The following IL1RAPL1 variants were observed in gnomAD, a reference collection of about 807,000 sequenced individuals.
IL1RAPL1 encodes interleukin-1 receptor accessory protein-like 1.
A neutral mutation model predicts 48.4 loss-of-function variants in IL1RAPL1; 3 were observed. The ratio of observed to expected loss-of-function variants is 0.06; its 90% CI spans 0.03 to 0.16. IL1RAPL1 has a LOEUF of 0.16. Ranked by LOEUF, IL1RAPL1 falls within the 10% of genes least tolerant of loss-of-function variation. The pLI is 1.00. For missense variants in IL1RAPL1, 349 were observed against 530.6 expected (o/e 0.66, Z 3.36); for synonymous variants, 185 against 187.7 (o/e 0.99, Z 0.12).
At chrX:28,779,634 G>GTGTATA (rs1374982138) in intron 1 of IL1RAPL1, among the ~76,000 whole-genome samples, 1 of 38,320 alleles carries the variant, frequency 2.6e-5, no homozygotes, top group Non-Finnish European at 4.5e-5. Context: ...GTGTGTGTGT[G>GTGTATA]TATATATATA....
intron 2 of IL1RAPL1, among the ~76,000 whole-genome samples, chrX:28,975,501 A>G (rs1925183299): frequency 8.9e-6 from 1 of 112,283 alleles, no homozygotes; most frequent in African/African-American, 3.2e-5. Flanking sequence ...AAACTAGGAT[A>G]CATGTTTCTT....
chrX:29,803,595 G>A (rs186852353), intron 6 of IL1RAPL1, among the ~76,000 whole-genome samples: 286 of 101,570 alleles, frequency 2.8e-3, no homozygotes, highest in Non-Finnish European at 4.6e-3. Context: ...CCATATATGT[G>A]TGTGTATATA....
At position 29,122,000 on chromosome X, in the gene IL1RAPL1, C is replaced by T. The variant is rs548018830; in HGVS notation, c.83-160938C>T. 3.7e-4 allele frequency among the ~76,000 whole-genome samples: 41 copies of T among 111,464 alleles called. 1 individual carries two copies. In the South Asian group the frequency reaches 0.015, roughly 40 times the overall value. ...TAGAAACATAGATGGAGGGGTTGGT[C>T]ACCACTCATTATTTAATGTAAGTAA... On this transcript the variant is annotated intron_variant, in intron 2 of 10. Transcript: ENST00000378993.
chrX:29,153,325 C>T (rs1366836010), intron 2 of IL1RAPL1, among the ~76,000 whole-genome samples: 5 of 111,598 alleles, frequency 4.5e-5, no homozygotes, highest in East Asian at 2.8e-4. Flanking sequence ...TCCCCTTTGC[C>T]TTATAAGGTA....
At chrX:29,081,782 TTAGAAGTTTC>T (rs1343386965) in intron 2 of IL1RAPL1, among the ~76,000 whole-genome samples, 1 of 110,311 alleles carries the variant, frequency 9.1e-6, no homozygotes, top group African/African-American at 3.3e-5. Context: ...AGCTCAGGTT[TTAGAAGTTTC>T]ATCTGCCTGG....
intron 6 of IL1RAPL1, among the ~76,000 whole-genome samples, chrX:29,703,127 A>G (rs1927098487): frequency 9.0e-6 from 1 of 111,544 alleles, no homozygotes; most frequent in Non-Finnish European, 1.9e-5. Context: ...AATTGTAATT[A>G]TAAGTAATAA....
At chrX:28,914,009 A>G (rs964152726) in intron 2 of IL1RAPL1, among the ~76,000 whole-genome samples, 2 of 111,793 alleles carry the variant, frequency 1.8e-5, no homozygotes, top group Non-Finnish European at 3.8e-5. Context: ...TGGAAATACT[A>G]CCTTGTGTTT....
chrX:28,692,083 C>T (rs939964712), intron 1 of IL1RAPL1, among the ~76,000 whole-genome samples: 4 of 110,412 alleles, frequency 3.6e-5, no homozygotes, highest in African/African-American at 1.3e-4. Context: ...GGGGAAGGAG[C>T]GAGGCTCTTT....
At chrX:29,662,172 A>G (rs948337209) in intron 5 of IL1RAPL1, among the ~76,000 whole-genome samples, 3 of 111,511 alleles carry the variant, frequency 2.7e-5, no homozygotes, top group African/African-American at 9.8e-5. Flanking sequence ...CTTTTTTTAC[A>G]TCATTATAGA....
At chrX:29,077,994 GC>G (rs1426410855) in intron 2 of IL1RAPL1, among the ~76,000 whole-genome samples, 1 of 111,687 alleles carries the variant, frequency 9.0e-6, no homozygotes, top group Non-Finnish European at 1.9e-5. Flanking sequence ...AGAACAACAG[GC>G]GGCCCAGCAC....
chrX:29,556,820 T>C (rs926917319), intron 5 of IL1RAPL1, among the ~76,000 whole-genome samples: 1 of 111,948 alleles, frequency 8.9e-6, no homozygotes, highest in African/African-American at 3.2e-5. Flanking sequence ...AGATATATTC[T>C]CAGAATTCTT....
At chrX:29,655,651 C>CAAAAAAA (rs746998144) in intron 5 of IL1RAPL1, among the ~76,000 whole-genome samples, 2 of 26,753 alleles carry the variant, frequency 7.5e-5, no homozygotes, top group Non-Finnish European at 1.3e-4. Context: ...TGACAGTCTC[C>CAAAAAAA]AAAAAAAAAA....
rs1335823111 is a variant in IL1RAPL1, at chrX:29,802,879, A to ATATG, written c.779-114584_779-114583insATGT. ...TATACGTGTACATATGTATACATATATGTATATATGTATACATATATATGT... is the reference window on the plus strand; with the variant it reads ...TATACGTGTACATATGTATACATATATATGTGTATATATGTATACATATATATGT... On this transcript the variant is annotated intron_variant, in intron 6 of 10. Transcript: ENST00000378993. 7.8e-4 allele frequency among the ~76,000 whole-genome samples: 65 copies of ATATG among 83,473 alleles called. 4 individuals carry two copies. Among genetic ancestry groups the ATATG allele is most frequent in the African/African-American group, 3.1e-3 (61 of 19,968 alleles). The allele number at this position is 83,473 out of a possible 115,157, so 72.5% of individuals were successfully genotyped here. A position where few individuals can be genotyped will look rare whatever the true frequency, so the allele number is the denominator to read the frequency against.
At chrX:29,453,060 G>T (rs1303692477) in intron 5 of IL1RAPL1, among the ~76,000 whole-genome samples, 2 of 107,550 alleles carry the variant, frequency 1.9e-5, no homozygotes, top group Non-Finnish European at 3.8e-5. Context: ...AAGTAGCTGG[G>T]ATTACAGGCG....
chrX:29,490,834 A>ATGTGTGTGTG (rs199987230), intron 5 of IL1RAPL1, among the ~76,000 whole-genome samples: 15 of 95,978 alleles, frequency 1.6e-4, no homozygotes, highest in African/African-American at 6.5e-4. Flanking sequence ...CATCTGAGGT[A>ATGTGTGTGTG]TGTGTGTGTG....
At chrX:29,488,211 G>A (rs1307155395) in intron 5 of IL1RAPL1, among the ~76,000 whole-genome samples, 5 of 111,844 alleles carry the variant, frequency 4.5e-5, no homozygotes, top group South Asian at 3.7e-4. Context: ...AGGCTGAGGC[G>A]GGCGGATCAT....
At chrX:29,252,291 A>C (rs764040223) in intron 2 of IL1RAPL1, among the ~76,000 whole-genome samples, 1 of 113,658 alleles carries the variant, frequency 8.8e-6, no homozygotes. Flanking sequence ...AAGAAAAAAA[A>C]AAAGAAAATC....
At chrX:29,151,166 A>G (rs1438648142) in intron 2 of IL1RAPL1, among the ~76,000 whole-genome samples, 1 of 111,159 alleles carries the variant, frequency 9.0e-6, no homozygotes, top group African/African-American at 3.3e-5. Context: ...AAACCAAACT[A>G]TCACATTAAG....
chrX:29,003,050 A>G (rs889442483), intron 2 of IL1RAPL1, among the ~76,000 whole-genome samples: 1 of 111,286 alleles, frequency 9.0e-6, no homozygotes, highest in African/African-American at 3.3e-5. Context: ...GCCTAGGAGA[A>G]TAATAAATAT....
Sources: gnomAD v4.1 joint callset for allele counts (sites outside exome capture counted in the v4.1 genomes callset) on GRCh38, gnomAD v4.1.1 for gene constraint, MANE v1.5 for transcripts, NCBI Gene and HGNC (gene_info 2026-07-23, HGNC 2026-07-21) for gene names.